The following LRRTM4 variants were observed in gnomAD, a reference collection of about 807,000 sequenced individuals.
The protein encoded by LRRTM4 is leucine-rich repeat transmembrane neuronal protein 4.
In LRRTM4, 25 loss-of-function variants were observed where a neutral mutation model predicts 47.6. The ratio of observed to expected loss-of-function variants is 0.53; its 90% CI spans 0.38 to 0.73. The LOEUF is 0.73. Ranked by LOEUF, LRRTM4 falls within the 30% of genes least tolerant of loss-of-function variation. The pLI is 0.00. For missense variants in LRRTM4, 638 were observed against 713.4 expected (o/e 0.89, Z 1.20); for synonymous variants, 311 against 269.5 (o/e 1.15, Z -1.51).
At chr2:76,757,125 G>T (rs1423428327) in intron 3 of LRRTM4, among the ~76,000 whole-genome samples, 1 of 152,026 alleles carries the variant, frequency 6.6e-6, no homozygotes, top group East Asian at 1.9e-4. Flanking sequence ...GCTAAAATGT[G>T]TATAGCAGAT....
At chr2:76,877,233 T>C (rs1468667523) in intron 3 of LRRTM4, among the ~76,000 whole-genome samples, 1 of 152,130 alleles carries the variant, frequency 6.6e-6, no homozygotes, top group African/African-American at 2.4e-5. Context: ...AATAGTCCAA[T>C]AAAAAGTTGG....
chr2:76,985,399 C>G (rs1352293157), intron 3 of LRRTM4, among the ~76,000 whole-genome samples: 1 of 151,970 alleles, frequency 6.6e-6, no homozygotes, highest in Non-Finnish European at 1.5e-5. Flanking sequence ...AGTGGGATAG[C>G]ATTTCTTTCC....
chr2:77,211,236 G>C (rs764428713), intron 3 of LRRTM4, among the ~76,000 whole-genome samples: 3 of 152,188 alleles, frequency 2.0e-5, no homozygotes, highest in Non-Finnish European at 4.4e-5. Context: ...CCAGAAACTA[G>C]TGCTAAGGCC....
intron 3 of LRRTM4, among the ~76,000 whole-genome samples, chr2:77,411,793 T>C (rs1326099273): frequency 6.6e-6 from 1 of 151,848 alleles, no homozygotes; most frequent in Non-Finnish European, 1.5e-5. Context: ...ATTTCTAACC[T>C]AGCTCTCATC....
chr2:77,041,493 T>G (rs1679032757), intron 3 of LRRTM4, among the ~76,000 whole-genome samples: 2 of 151,462 alleles, frequency 1.3e-5, no homozygotes, highest in South Asian at 4.1e-4. Context: ...TCTATATGGT[T>G]TTCCATAGTG....
chr2:77,513,675 C>T (rs1016475030), intron 3 of LRRTM4, among the ~76,000 whole-genome samples: 3 of 152,110 alleles, frequency 2.0e-5, no homozygotes, highest in Admixed American at 2.0e-4. Flanking sequence ...AAGCGATTCT[C>T]TTGCCTCAAC....
intron 3 of LRRTM4, among the ~76,000 whole-genome samples, chr2:77,105,756 T>C (rs1330357067): frequency 2.6e-5 from 4 of 152,156 alleles, no homozygotes; most frequent in Non-Finnish European, 5.9e-5. Flanking sequence ...AAAAGAGGGA[T>C]TGAATGGGAT....
At chr2:77,115,821 T>G (rs951786331) in intron 3 of LRRTM4, among the ~76,000 whole-genome samples, 1 of 152,210 alleles carries the variant, frequency 6.6e-6, no homozygotes, top group Non-Finnish European at 1.5e-5. Context: ...GACAGATGGA[T>G]TTTGCTTTCC....
chr2:76,771,729 T>C (rs1373748539), intron 3 of LRRTM4, among the ~76,000 whole-genome samples: 1 of 151,848 alleles, frequency 6.6e-6, no homozygotes, highest in East Asian at 1.9e-4. Flanking sequence ...GAACCTAAAC[T>C]GCAGGCAGAA....
chr2:76,885,842 A>G (rs1389248622), intron 3 of LRRTM4, among the ~76,000 whole-genome samples: 4 of 152,206 alleles, frequency 2.6e-5, no homozygotes, highest in Non-Finnish European at 5.9e-5. Flanking sequence ...ATATAAGCTT[A>G]CAACTAATAA....
At chr2:77,162,879 C>A (rs913917833) in intron 3 of LRRTM4, among the ~76,000 whole-genome samples, 1 of 152,170 alleles carries the variant, frequency 6.6e-6, no homozygotes, top group Non-Finnish European at 1.5e-5. Context: ...GAAACCAGAG[C>A]AGAAAAGCTG....
chr2:76,842,711 CTTTATAAAAGTTTTTTTTTG>C (rs1202693976), intron 3 of LRRTM4, among the ~76,000 whole-genome samples: 1 of 151,152 alleles, frequency 6.6e-6, no homozygotes, highest in Non-Finnish European at 1.5e-5. Context: ...CTTTTTTTAA[CTTTATAAAAGTTTTTTTTTG>C]TTTGTTTGTC....
chr2:76,764,138 C>T (rs974264452), intron 3 of LRRTM4, among the ~76,000 whole-genome samples: 14 of 152,150 alleles, frequency 9.2e-5, no homozygotes, highest in African/African-American at 3.4e-4. Flanking sequence ...ATCCTGGATT[C>T]TCCTGACTGC....
At chr2:76,845,939 A>G (rs1450580583) in intron 3 of LRRTM4, among the ~76,000 whole-genome samples, 1 of 152,166 alleles carries the variant, frequency 6.6e-6, no homozygotes, top group African/African-American at 2.4e-5. Context: ...TTTGAACAAA[A>G]CAGATTTGAA....
At chr2:77,197,088 A>T (rs1417862253) in intron 3 of LRRTM4, among the ~76,000 whole-genome samples, 1 of 152,102 alleles carries the variant, frequency 6.6e-6, no homozygotes, top group Non-Finnish European at 1.5e-5. Context: ...AAATTACAAC[A>T]TCTTAAATTT....
Position 76,748,778 on chromosome 2 carries a change from C to G in LRRTM4, c.1690G>C (p.Glu564Gln), listed in dbSNP as rs951086125. ...ATGAAGCTGTGGTCTCGGCCCAGCT[C>G]CAGGCCGGGGCTTTCGTCCTGCTCT... Reference protein sequence around the residue: ...SPEQDESPGLELGRDHSFIAT... With the variant: ...SPEQDESPGLQLGRDHSFIAT... Residue 564 changes from glutamate (E) to glutamine (Q), a missense_variant, in exon 4 of 4, where the codon GAG (glutamate) becomes CAG (glutamine). Physicochemically the swap from Glu to Gln is conservative, Grantham distance 29. Coordinates refer to ENST00000409884, the MANE Select transcript of LRRTM4 (RefSeq NM_001134745.3). The G allele has an allele frequency of 1.9e-6, 3 of 1,613,974 alleles. No homozygotes were observed. The highest frequency in any genetic ancestry group is 2.5e-6 in the Non-Finnish European group (3 of 1,179,892).
intron 3 of LRRTM4, among the ~76,000 whole-genome samples, chr2:76,961,869 A>C (rs945795832): frequency 6.6e-6 from 1 of 151,362 alleles, no homozygotes. Flanking sequence ...AGCATTCATT[A>C]AACCTTAAAG....
At chr2:76,969,937 G>T (rs892110053) in intron 3 of LRRTM4, among the ~76,000 whole-genome samples, 1 of 151,896 alleles carries the variant, frequency 6.6e-6, no homozygotes, top group African/African-American at 2.4e-5. Flanking sequence ...GTCTTCTTCA[G>T]AATATATCTG....
At chr2:76,872,648 G>C (rs541823232) in intron 3 of LRRTM4, among the ~76,000 whole-genome samples, 1 of 151,964 alleles carries the variant, frequency 6.6e-6, no homozygotes, top group African/African-American at 2.4e-5. Context: ...TCCTGAGGGC[G>C]TGTATGATAC....
Sources: allele counts gnomAD v4.1 joint callset (sites outside exome capture counted in the v4.1 genomes callset), GRCh38; gene constraint gnomAD v4.1.1; transcripts MANE v1.5; gene names NCBI Gene and HGNC (gene_info 2026-07-23, HGNC 2026-07-21).